The following LMNTD1 variants were observed in gnomAD, a reference collection of about 807,000 sequenced individuals.
The protein encoded by LMNTD1 is lamin tail domain containing 1.
In LMNTD1, 35 loss-of-function variants were observed where a neutral mutation model predicts 50.9. The ratio of observed to expected loss-of-function variants is 0.69; its 90% CI spans 0.53 to 0.91. The LOEUF is 0.91. Among genes scored for constraint, LMNTD1 ranks in the 40% least tolerant of loss-of-function variants. LMNTD1 has a pLI of 0.00. For missense variants in LMNTD1, 470 were observed against 475.5 expected (o/e 0.99, Z 0.11); for synonymous variants, 153 against 161.9 (o/e 0.94, Z 0.42).
chr12:25,565,816 CTT>C (rs1944534216), intron 1 of LMNTD1, among the ~76,000 whole-genome samples: 1 of 152,056 alleles, frequency 6.6e-6, no homozygotes, highest in African/African-American at 2.4e-5. Context: ...CTGAAAAAGT[CTT>C]TATTTCTCCT....
intron 1 of LMNTD1, among the ~76,000 whole-genome samples, chr12:25,589,142 T>A (rs1945624370): frequency 6.6e-6 from 1 of 152,160 alleles, no homozygotes; most frequent in South Asian, 2.1e-4. Flanking sequence ...CATAGCAACA[T>A]CATTTATTAT....
Position 25,486,329 on chromosome 12 carries a change from A to G in LMNTD1, c.*23-9869T>C, listed in dbSNP as rs1201085015. 1.0e-3 allele frequency among the ~76,000 whole-genome samples: 157 copies of G among 151,652 alleles called. 1 individual carries two copies. Among genetic ancestry groups the G allele is most frequent in the African/African-American group, 3.6e-3 (150 of 41,296 alleles). ...GTTTGTCTGTTGTTGGTGTATAAGA[A>G]TGCTTGTGATTTTTGCACATTGATT... On this transcript the variant is annotated intron_variant, in intron 9 of 9. Transcript: ENST00000458174.
chr12:25,559,691 A>T, intron 1 of LMNTD1, among the ~76,000 whole-genome samples: 1 of 152,108 alleles, frequency 6.6e-6, no homozygotes, highest in Non-Finnish European at 1.5e-5. Context: ...ATTTCTCCAC[A>T]TCCTCTCCAG....
rs774259552 is a variant in LMNTD1, at chr12:25,495,248, A to ATGTGTGTG, written c.*22+8489_*22+8490insCACACACA. Among the ~76,000 whole-genome samples the ATGTGTGTG allele has an allele frequency of 1.1e-4, 5 of 46,394 alleles. No homozygotes were observed. In the South Asian group the frequency reaches 2.4e-3, roughly 22 times the overall value. 30.4% of individuals were successfully genotyped at this position (46,394 alleles called of 152,430 possible). On this transcript the variant is annotated intron_variant, in intron 9 of 9. Transcript: ENST00000458174. Reference sequence around the variant, plus strand: ...TTCCTGCCAAAATCATAAAGTGTGTACGTGTGTGTGTGTGTGTGTGTGTGT... The same window carrying ATGTGTGTG: ...TTCCTGCCAAAATCATAAAGTGTGTATGTGTGTGCGTGTGTGTGTGTGTGTGTGTGTGT...
At chr12:25,500,948 T>A (rs1381734497) in intron 9 of LMNTD1, among the ~76,000 whole-genome samples, 1 of 151,418 alleles carries the variant, frequency 6.6e-6, no homozygotes, top group Non-Finnish European at 1.5e-5. Context: ...TAATTAGTGG[T>A]CAAATAAACT....
intron 1 of LMNTD1, among the ~76,000 whole-genome samples, chr12:25,620,024 T>C (rs1238177645): frequency 6.6e-6 from 1 of 152,220 alleles, no homozygotes; most frequent in Non-Finnish European, 1.5e-5. Flanking sequence ...ATGCACAATA[T>C]ATACATATGT....
At chr12:25,489,369 C>G (rs184439431) in intron 9 of LMNTD1, among the ~76,000 whole-genome samples, 1 of 151,604 alleles carries the variant, frequency 6.6e-6, no homozygotes, top group African/African-American at 2.4e-5. Flanking sequence ...GCGCAATATT[C>G]GGGTGGGAGT....
At chr12:25,577,631 A>G (rs1945090305) in intron 1 of LMNTD1, among the ~76,000 whole-genome samples, 1 of 152,172 alleles carries the variant, frequency 6.6e-6, no homozygotes, top group African/African-American at 2.4e-5. Context: ...ATCTGCAAAC[A>G]GGGACAATTT....
chr12:25,543,527 A>G (rs1943234107), intron 4 of LMNTD1, among the ~76,000 whole-genome samples: 1 of 151,950 alleles, frequency 6.6e-6, no homozygotes, highest in Admixed American at 6.6e-5. Context: ...ATCCAACACC[A>G]TGGAAAAAAG....
chr12:25,536,823 A>T (rs910727946), intron 4 of LMNTD1, among the ~76,000 whole-genome samples: 1 of 152,264 alleles, frequency 6.6e-6, no homozygotes, highest in African/African-American at 2.4e-5. Context: ...TACCAGGTTC[A>T]TCTCACTAGG....
intron 1 of LMNTD1, among the ~76,000 whole-genome samples, chr12:25,623,551 C>CT (rs1946521369): frequency 2.3e-5 from 1 of 44,212 alleles, no homozygotes; most frequent in Non-Finnish European, 3.8e-5. Context: ...AAGACTCTGT[C>CT]TCAAAAAAAA....
chr12:25,594,962 A>C (rs1945810954), intron 1 of LMNTD1, among the ~76,000 whole-genome samples: 1 of 152,180 alleles, frequency 6.6e-6, no homozygotes, highest in Non-Finnish European at 1.5e-5. Context: ...ACTTTAAAGC[A>C]ACAGCAGTTA....
intron 8 of LMNTD1, among the ~76,000 whole-genome samples, chr12:25,506,987 C>T (rs1175752405): frequency 6.6e-6 from 1 of 152,054 alleles, no homozygotes; most frequent in African/African-American, 2.4e-5. Flanking sequence ...TCAAGCAATT[C>T]TTGTGCCTCG....
rs748523544 is a variant in LMNTD1, at chr12:25,484,097, T to C, written c.*23-7637A>G. 5.9e-5 allele frequency among the ~76,000 whole-genome samples: 9 copies of C among 151,862 alleles called. 1 individual carries two copies. The highest frequency in any genetic ancestry group is 9.7e-5 in the African/African-American group (4 of 41,178). ...TTTTCTTTTGTAAATTAAAAAAAAATGTTGGGAGTTGAGAATGAAAGAGAC... is the reference window on the plus strand; with the variant it reads ...TTTTCTTTTGTAAATTAAAAAAAAACGTTGGGAGTTGAGAATGAAAGAGAC... On this transcript the variant is annotated intron_variant, in intron 9 of 9. Coordinates refer to ENST00000458174, the MANE Select transcript of LMNTD1 (RefSeq NM_001145728.2).
chr12:25,516,589 T>G (rs971866805), intron 8 of LMNTD1, among the ~76,000 whole-genome samples: 2 of 152,202 alleles, frequency 1.3e-5, no homozygotes, highest in East Asian at 3.8e-4. Flanking sequence ...TCTATATCTA[T>G]ATCTAAAGTT....
At chr12:25,560,046 A>G (rs1944231245) in intron 1 of LMNTD1, among the ~76,000 whole-genome samples, 1 of 152,164 alleles carries the variant, frequency 6.6e-6, no homozygotes. Context: ...CTTTAGTTTA[A>G]TTAGATCCCA....
At chr12:25,579,663 C>T (rs1028458160) in intron 1 of LMNTD1, among the ~76,000 whole-genome samples, 1 of 152,144 alleles carries the variant, frequency 6.6e-6, no homozygotes, top group African/African-American at 2.4e-5. Flanking sequence ...GAGATGTTAT[C>T]TCCATCTCCC....
intron 1 of LMNTD1, among the ~76,000 whole-genome samples, chr12:25,630,094 A>C (rs1946681893): frequency 6.6e-6 from 1 of 152,192 alleles, no homozygotes; most frequent in African/African-American, 2.4e-5. Flanking sequence ...GAAAATGAGG[A>C]GTGGTTAGGG....
chr12:25,495,183 A>G (rs1368266298), intron 9 of LMNTD1, among the ~76,000 whole-genome samples: 1 of 151,798 alleles, frequency 6.6e-6, no homozygotes, highest in Non-Finnish European at 1.5e-5. Context: ...AAACATTATC[A>G]TAGGACCAGT....
Sources: gnomAD v4.1 joint callset for allele counts (sites outside exome capture counted in the v4.1 genomes callset) on GRCh38, gnomAD v4.1.1 for gene constraint, MANE v1.5 for transcripts, NCBI Gene and HGNC (gene_info 2026-07-23, HGNC 2026-07-21) for gene names.